The following CHIT1 variants were observed in gnomAD, a reference collection of about 807,000 sequenced individuals.
CHIT1 encodes the protein chitinase 1.
A neutral mutation model predicts 52.0 loss-of-function variants in CHIT1; 47 were observed. The observed-to-expected ratio is 0.90, with a 90% CI of 0.71 to 1.15. The LOEUF (loss-of-function observed/expected upper bound fraction) is 1.15, where lower values mean the gene tolerates loss of function less well. Among genes scored for constraint, CHIT1 ranks in the 50% most tolerant of loss-of-function variants. CHIT1 has a pLI of 0.00. For missense variants in CHIT1, 569 were observed against 583.0 expected (o/e 0.98, Z 0.25); for synonymous variants, 242 against 228.2 (o/e 1.06, Z -0.54).
chr1:203,225,002 T>C lies in CHIT1; in HGVS notation c.314+46A>G, dbSNP rs1352841469. 4.5e-6 allele frequency: 7 copies of C among 1,567,860 alleles called. No homozygotes were observed. The Admixed American group carries it at 1.2e-4, about 26-fold the overall frequency. On this transcript the variant is annotated intron_variant, in intron 4 of 10. Coordinates refer to ENST00000367229, the MANE Select transcript of CHIT1 (RefSeq NM_003465.3). ...GGCTCCCTCTGGCCAGTGCACCAGG[T>C]TCCCATCCAGGAGCTTTACCACACA... is the stretch of plus-strand genomic sequence containing the variant.
chr1:203,226,380 G>A (rs1411097975), intron 2 of CHIT1, among the ~76,000 whole-genome samples: 1 of 152,204 alleles, frequency 6.6e-6, no homozygotes, highest in African/African-American at 2.4e-5. Context: ...GAGGCCTAGA[G>A]GGAATTAGAC....
At chr1:203,224,445 A>G (rs1046673976) in intron 4 of CHIT1, among the ~76,000 whole-genome samples, 1 of 152,238 alleles carries the variant, frequency 6.6e-6, no homozygotes, top group Admixed American at 6.5e-5. Context: ...AATCACTTTC[A>G]TCAGATTCCC....
At chr1:203,227,726 A>G (rs1373879722) in intron 2 of CHIT1, among the ~76,000 whole-genome samples, 1 of 152,218 alleles carries the variant, frequency 6.6e-6, no homozygotes, top group South Asian at 2.1e-4. Flanking sequence ...TACTATTATT[A>G]CTATACTGCA....
chr1:203,223,031 T>A, intron 6 of CHIT1, 104 bp downstream of exon 6: 1 of 1,488,976 alleles, frequency 6.7e-7, no homozygotes, highest in South Asian at 1.1e-5. Context: ...ACTTTCCAAA[T>A]GCCTTGTAGA....
rs140728916 is a variant in CHIT1, at chr1:203,216,609, C to T, written c.*280G>A. The T allele has an allele frequency of 4.8e-5, 25 of 521,614 alleles. 1 individual carries two copies. The highest frequency in any genetic ancestry group is 9.2e-5 in the Non-Finnish European group (25 of 271,666). The allele number at this position is 521,614 out of a possible 1,614,324, so 32.3% of individuals were successfully genotyped here. A position where few individuals can be genotyped will look rare whatever the true frequency, so the allele number is the denominator to read the frequency against. On this transcript the variant is annotated 3_prime_UTR_variant, in exon 11 of 11. Coordinates refer to ENST00000367229, the MANE Select transcript of CHIT1 (RefSeq NM_003465.3). ...CACCTTCCCACCTGGCTCTGACCTG[C>T]GGATGTTTTGGAGTCAACAGTGTGC...
intron 9 of CHIT1, among the ~76,000 whole-genome samples, chr1:203,218,246 C>T (rs1656610524): frequency 6.6e-6 from 1 of 152,170 alleles, no homozygotes; most frequent in Admixed American, 6.5e-5. Flanking sequence ...AGTCCAGTTA[C>T]CATAGGGAAC....
At position 203,219,742 on chromosome 1, in the gene CHIT1, G is replaced by T. The variant is rs144580636; in HGVS notation, c.837C>A (p.Thr279=). Residue 279 remains threonine (T), a synonymous_variant, in exon 8 of 11, where the codon ACC becomes ACA. Coordinates refer to ENST00000367229, the MANE Select transcript of CHIT1 (RefSeq NM_003465.3). ...RSFTLASSSD[T]RVGAPATGSG... ...ACCCTGTGGCTGGGGCCCCCACTCTGGTGTCTGATGAGGAGGCCAGTGTGA... is the reference window on the plus strand; with the variant it reads ...ACCCTGTGGCTGGGGCCCCCACTCTTGTGTCTGATGAGGAGGCCAGTGTGA... The T allele has an allele frequency of 6.2e-7, 1 of 1,613,982 alleles. No homozygotes were observed. Among genetic ancestry groups the T allele is most frequent in the Non-Finnish European group, 8.5e-7 (1 of 1,180,018 alleles).
rs1181190729 is a variant in CHIT1 at position 203,219,312 on chromosome 1, C to T, written c.933G>A (p.Gly311=). The T allele has an allele frequency of 8.7e-6, 14 of 1,609,736 alleles. No individual in the cohort carries two copies. In the Middle Eastern group the frequency reaches 6.6e-4, roughly 76 times the overall value. Residue 311 remains glycine, a synonymous_variant, in exon 9 of 11, where the codon GGG becomes GGA. Coordinates refer to ENST00000367229, the MANE Select transcript of CHIT1 (RefSeq NM_003465.3). ...LAYYEVCSWK[G]ATKQRIQDQK... ...GATCCTGGATTCTCTGTTTGGTGGC[C>T]CCCTTCCAGGAGCAGACCTGTGGGA...
chr1:203,220,331 G>C (rs1656690919), intron 7 of CHIT1, among the ~76,000 whole-genome samples: 2 of 152,202 alleles, frequency 1.3e-5, no homozygotes, highest in African/African-American at 2.4e-5. Flanking sequence ...ATAAAGGGTC[G>C]CTGTGGTCAT....
intron 4 of CHIT1, 72 bp from the exon 5 acceptor site, chr1:203,223,732 C>T: frequency 6.7e-7 from 1 of 1,482,688 alleles, no homozygotes; most frequent in Non-Finnish European, 9.4e-7. Flanking sequence ...CAGAAGCAGG[C>T]AAGAAAACAC....
chr1:203,216,322 T>G lies in CHIT1; in HGVS notation c.*567A>C, dbSNP rs932221568. 7 of 454,052 alleles carry G rather than the reference T, an allele frequency of 1.5e-5. No individual in the cohort carries two copies. The allele number at this position is 454,052 out of a possible 1,614,324, so 28.1% of individuals were successfully genotyped here. On this transcript the variant is annotated 3_prime_UTR_variant, in exon 11 of 11. Transcript: ENST00000367229. ...GAGTACCAGGGGTCTGAATTCTTAG[T>G]GTAATGCTGAGTGGCTGCTCGCAGA...
rs916015661 is a variant in CHIT1 at position 203,225,956 on chromosome 1, C to T, written c.56-86G>A. On this transcript the variant is annotated intron_variant, in intron 2 of 10. Coordinates refer to ENST00000367229, the MANE Select transcript of CHIT1 (RefSeq NM_003465.3). ...CCCTCCATCTGGGGTAGGCAATGTCCTTGGACCTCCCTCTTCTACACCTGG... is the reference window on the plus strand; with the variant it reads ...CCCTCCATCTGGGGTAGGCAATGTCTTTGGACCTCCCTCTTCTACACCTGG... 15 of 1,394,034 alleles carry T rather than the reference C, an allele frequency of 1.1e-5. No individual in the cohort carries two copies. The Admixed American group carries it at 2.7e-4, about 25-fold the overall frequency. The allele number at this position is 1,394,034 out of a possible 1,614,324, so 86.4% of individuals were successfully genotyped here. A position where few individuals can be genotyped will look rare whatever the true frequency, so the allele number is the denominator to read the frequency against.
In CHIT1 at chr1:203,216,135, T is replaced by G. The variant is rs1236089253; in HGVS notation, c.*754A>C. ...ACCGTGTGCATGCTCTCTGGCCCAT[T>G]TCAGGCCTTGGTTCTGGACTCAGAA... On this transcript the variant is annotated 3_prime_UTR_variant, in exon 11 of 11. Coordinates refer to ENST00000367229, the MANE Select transcript of CHIT1 (RefSeq NM_003465.3). The G allele has an allele frequency of 1.5e-5, 7 of 454,024 alleles. No individual in the cohort carries two copies. Among genetic ancestry groups the G allele is most frequent in the Non-Finnish European group, 3.1e-5 (7 of 226,800 alleles). 28.1% of individuals were successfully genotyped at this position (454,024 alleles called of 1,614,324 possible). A position where few individuals can be genotyped will look rare whatever the true frequency, so the allele number is the denominator to read the frequency against.
rs1446508427 is a variant in CHIT1 at position 203,216,344 on chromosome 1, C to T, written c.*545G>A. 2.2e-6 allele frequency: 1 copy of T among 454,070 alleles called. No homozygotes were observed. The highest frequency in any genetic ancestry group is 1.6e-5 in the South Asian group (1 of 64,482). The allele number at this position is 454,070 out of a possible 1,614,324, so 28.1% of individuals were successfully genotyped here. A position where few individuals can be genotyped will look rare whatever the true frequency, so the allele number is the denominator to read the frequency against. ...TAGTGTAATGCTGAGTGGCTGCTCG[C>T]AGAGCGCTTAAATCAGGGAAAAGTT... On this transcript the variant is annotated 3_prime_UTR_variant, in exon 11 of 11. Coordinates refer to ENST00000367229, the MANE Select transcript of CHIT1 (RefSeq NM_003465.3).
chr1:203,216,970 A>G lies in CHIT1; in HGVS notation c.1320T>C (p.Cys440=). The G allele has an allele frequency of 6.2e-7, 1 of 1,614,212 alleles. No individual in the cohort carries two copies. Among genetic ancestry groups the G allele is most frequent in the Non-Finnish European group, 8.5e-7 (1 of 1,180,004 alleles). ...TTTGCTGGAACAGCCGCCCCGCTGC[A>G]CAGCTGTAGAAGCTGGACCGTTCCC... ...NPRERSSFYS[C]AAGRLFQQSC... The change falls in exon 11 of 11, where the codon TGT becomes TGC. Residue 440 remains cysteine, a synonymous_variant. Transcript: ENST00000367229.
At chr1:203,219,957 G>A in intron 7 of CHIT1, 108 bp from the exon 8 acceptor site, 1 of 1,329,296 alleles carries the variant, frequency 7.5e-7, no homozygotes, top group Non-Finnish European at 1.0e-6. Context: ...TCCTCAGCTG[G>A]AGCTCTACGG....
At chr1:203,218,165 G>A (rs1656607218) in intron 9 of CHIT1, 7 of 1,341,564 alleles carry the variant, frequency 5.2e-6, no homozygotes, top group Admixed American at 4.3e-5. Context: ...ACCCTTCACC[G>A]CTTGGTCATG....
chr1:203,220,222 G>A (rs74969659), intron 7 of CHIT1, among the ~76,000 whole-genome samples: 8,015 of 152,196 alleles, frequency 0.053, 277 homozygotes, highest in Non-Finnish European at 0.076. Context: ...ACTGAACCTT[G>A]GTGTTCTGTC....
At chr1:203,219,392 C>T in intron 8 of CHIT1, 63 bp from the exon 9 acceptor site, 1 of 1,017,740 alleles carries the variant, frequency 9.8e-7, no homozygotes. Context: ...CCTTCCCTTC[C>T]TCACCAGGAG....
Sources: gnomAD v4.1 joint callset for allele counts (sites outside exome capture counted in the v4.1 genomes callset) on GRCh38, gnomAD v4.1.1 for gene constraint, MANE v1.5 for transcripts, NCBI Gene and HGNC (gene_info 2026-07-23, HGNC 2026-07-21) for gene names.